Variants in FBXL17 observed in about 807,000 individuals in gnomAD.
FBXL17 encodes the protein F-box/LRR-repeat protein 17.
A neutral mutation model predicts 66.2 loss-of-function variants in FBXL17; 22 were observed. That is an observed-to-expected ratio of 0.33 (90% CI 0.24 to 0.47). The LOEUF (loss-of-function observed/expected upper bound fraction) is 0.47, where lower values mean the gene tolerates loss of function less well. Ranked by LOEUF, FBXL17 falls within the 20% of genes least tolerant of loss-of-function variation. The pLI, the probability that FBXL17 is intolerant of heterozygous loss-of-function variation, is 1.00. For missense variants in FBXL17, 878 were observed against 948.2 expected, an observed-to-expected ratio of 0.93 and a Z score of 0.97; for synonymous variants, 474 against 400.5, an observed-to-expected ratio of 1.18 and a Z score of -2.19.
intron 7 of FBXL17, among the ~76,000 whole-genome samples, chr5:107,922,864 G>A (rs1750370515): frequency 6.6e-6 from 1 of 152,182 alleles, no homozygotes; most frequent in African/African-American, 2.4e-5. Context: ...AATAAGCTCA[G>A]AGACCTCTCA....
chr5:108,341,231 A>T (rs779338517), intron 4 of FBXL17, among the ~76,000 whole-genome samples: 11 of 152,152 alleles, frequency 7.2e-5, no homozygotes, highest in Admixed American at 4.6e-4. Flanking sequence ...CAAATTGTAG[A>T]CTCATATATA....
rs1388819089 is a variant in FBXL17, at chr5:107,861,937, G to A, written c.1966-77C>T. On this transcript the variant is annotated intron_variant, in intron 8 of 8. Transcript: ENST00000542267. ...CGCTGCCCACGCTCACTGATGTGCT[G>A]CAGCTGGCTCACTGTGACACGAAGA... is the stretch of plus-strand genomic sequence containing the variant. 3.7e-6 allele frequency: 5 copies of A among 1,363,318 alleles called. No homozygotes were observed. In the East Asian group the frequency reaches 1.4e-4, roughly 37 times the overall value. 84.5% of individuals were successfully genotyped at this position (1,363,318 alleles called of 1,614,324 possible).
At chr5:108,162,774 G>A (rs116243332) in intron 6 of FBXL17, among the ~76,000 whole-genome samples, 130 of 152,156 alleles carry the variant, frequency 8.5e-4, no homozygotes, top group Middle Eastern at 3.4e-3. Context: ...CAGGGTTATC[G>A]GAAATTTAAT....
intron 6 of FBXL17, among the ~76,000 whole-genome samples, chr5:108,131,991 T>A (rs1035951416): frequency 5.3e-5 from 8 of 152,104 alleles, no homozygotes; most frequent in Non-Finnish European, 1.0e-4. Flanking sequence ...TTTTTTTTTT[T>A]TTTAGGCGGA....
At chr5:107,917,299 T>C (rs1335139975) in intron 7 of FBXL17, among the ~76,000 whole-genome samples, 2 of 152,164 alleles carry the variant, frequency 1.3e-5, no homozygotes, top group Non-Finnish European at 2.9e-5. Context: ...AAACCACAGC[T>C]GAAAATCCAG....
chr5:107,974,024 A>G (rs1223236521), intron 7 of FBXL17, among the ~76,000 whole-genome samples: 4 of 152,204 alleles, frequency 2.6e-5, no homozygotes, highest in Non-Finnish European at 5.9e-5. Context: ...GAAAAAAATT[A>G]TACCATTTTG....
chr5:108,316,814 G>A (rs1368838305), intron 4 of FBXL17, among the ~76,000 whole-genome samples: 1 of 150,384 alleles, frequency 6.6e-6, no homozygotes, highest in African/African-American at 2.4e-5. Context: ...TTTTTTTTTA[G>A]AGATCAGTAA....
At chr5:108,072,792 C>T (rs1181597906) in intron 6 of FBXL17, among the ~76,000 whole-genome samples, 4 of 152,194 alleles carry the variant, frequency 2.6e-5, no homozygotes, top group South Asian at 2.1e-4. Flanking sequence ...TCCTCATTAA[C>T]GCTTTTTCAT....
chr5:108,278,197 G>A (rs910078321), intron 4 of FBXL17, among the ~76,000 whole-genome samples: 2 of 152,144 alleles, frequency 1.3e-5, no homozygotes, highest in Non-Finnish European at 2.9e-5. Context: ...AGAACGCCCT[G>A]ACCCTCCAAC....
chr5:108,195,982 G>T (rs1166224051), intron 5 of FBXL17, among the ~76,000 whole-genome samples: 1 of 152,058 alleles, frequency 6.6e-6, no homozygotes, highest in African/African-American at 2.4e-5. Context: ...ACCAAGTAGA[G>T]ATGTCAAATA....
intron 5 of FBXL17, among the ~76,000 whole-genome samples, chr5:108,211,745 T>C (rs918430756): frequency 1.1e-4 from 16 of 152,230 alleles, no homozygotes; most frequent in African/African-American, 3.6e-4. Flanking sequence ...CCTTTCTCTC[T>C]GGCTGCCCTT....
At chr5:108,034,427 G>A (rs2112790912) in intron 6 of FBXL17, among the ~76,000 whole-genome samples, 1 of 152,336 alleles carries the variant, frequency 6.6e-6, no homozygotes, top group South Asian at 2.1e-4. Context: ...TGTGTTGCCA[G>A]AAACTGGATT....
At chr5:107,989,414 C>T (rs1020223732) in intron 7 of FBXL17, among the ~76,000 whole-genome samples, 4 of 152,030 alleles carry the variant, frequency 2.6e-5, no homozygotes, top group African/African-American at 9.7e-5. Flanking sequence ...GTTTATTTCA[C>T]TTAACATAAA....
At chr5:108,133,120 A>T (rs544685500) in intron 6 of FBXL17, among the ~76,000 whole-genome samples, 1 of 152,308 alleles carries the variant, frequency 6.6e-6, no homozygotes, top group South Asian at 2.1e-4. Context: ...AAACTATACA[A>T]GCACTATGAT....
intron 6 of FBXL17, among the ~76,000 whole-genome samples, chr5:108,149,908 TCTAGGCCC>T (rs1751701598): frequency 6.6e-6 from 1 of 152,188 alleles, no homozygotes; most frequent in Non-Finnish European, 1.5e-5. Context: ...GACTTCTGTT[TCTAGGCCC>T]CTTAACTTTC....
intron 6 of FBXL17, among the ~76,000 whole-genome samples, chr5:108,046,863 CAT>C (rs1317363031): frequency 3.9e-5 from 6 of 152,246 alleles, no homozygotes; most frequent in African/African-American, 7.2e-5. Flanking sequence ...TATTTACCCA[CAT>C]GTTTGCTTAC....
intron 8 of FBXL17, among the ~76,000 whole-genome samples, chr5:107,871,068 A>AC (rs1561511881): frequency 2.4e-5 from 3 of 123,908 alleles, no homozygotes; most frequent in African/African-American, 1.1e-4. Context: ...AAAAAAAAAA[A>AC]AAAAAAAAAA....
chr5:107,920,030 C>T (rs1387036092), intron 7 of FBXL17, among the ~76,000 whole-genome samples: 2 of 152,144 alleles, frequency 1.3e-5, no homozygotes, highest in African/African-American at 4.8e-5. Context: ...TTTTATGCCA[C>T]AGTTGCAAAA....
intron 6 of FBXL17, among the ~76,000 whole-genome samples, chr5:108,178,607 A>G (rs1752885699): frequency 6.6e-6 from 1 of 152,216 alleles, no homozygotes; most frequent in Non-Finnish European, 1.5e-5. Context: ...ACACAAAACT[A>G]TTCAGTGGAT....
Sources: gnomAD v4.1 joint callset for allele counts (sites outside exome capture counted in the v4.1 genomes callset) on GRCh38, gnomAD v4.1.1 for gene constraint, MANE v1.5 for transcripts, NCBI Gene and HGNC (gene_info 2026-07-23, HGNC 2026-07-21) for gene names.